CDK14: variants seen among roughly 807,000 people sequenced by gnomAD.
CDK14 encodes the protein cyclin-dependent kinase 14.
Under a neutral mutation model 60.7 loss-of-function variants are expected in CDK14, and 34 were observed. That is an observed-to-expected ratio of 0.56 (90% CI 0.43 to 0.75). The LOEUF is 0.75. CDK14 is among the 30% of genes least tolerant of loss of function. The pLI is 0.00. For missense variants in CDK14, 482 were observed against 564.1 expected, an observed-to-expected ratio of 0.85 and a Z score of 1.47; for synonymous variants, 197 against 203.7, an observed-to-expected ratio of 0.97 and a Z score of 0.28.
chr7:90,883,136 CAA>C (rs1004846886), intron 6 of CDK14, among the ~76,000 whole-genome samples: 11 of 150,940 alleles, frequency 7.3e-5, no homozygotes, highest in African/African-American at 2.7e-4. Flanking sequence ...AAAAAAACTC[CAA>C]AAAATAAATG....
chr7:90,824,180 A>G (rs1322429041), intron 5 of CDK14, among the ~76,000 whole-genome samples: 1 of 152,176 alleles, frequency 6.6e-6, no homozygotes, highest in Non-Finnish European at 1.5e-5. Flanking sequence ...TTGATTCTAC[A>G]TGGTCTTCGA....
intron 6 of CDK14, among the ~76,000 whole-genome samples, chr7:90,880,519 G>A (rs894891670): frequency 1.3e-5 from 2 of 152,136 alleles, no homozygotes; most frequent in African/African-American, 4.8e-5. Context: ...TAGTTCTGAG[G>A]AATCCAGGCA....
At chr7:90,876,711 A>G (rs778260111) in intron 6 of CDK14, among the ~76,000 whole-genome samples, 3 of 152,208 alleles carry the variant, frequency 2.0e-5, no homozygotes, top group African/African-American at 7.2e-5. Context: ...GTAGATCCAT[A>G]TGTTCTATTT....
intron 4 of CDK14, among the ~76,000 whole-genome samples, chr7:90,762,595 C>A (rs1804363961): frequency 6.6e-6 from 1 of 151,932 alleles, no homozygotes; most frequent in South Asian, 2.1e-4. Flanking sequence ...AAAACAAGAC[C>A]CAACTATATT....
chr7:91,010,581 T>A (rs1251496135), intron 10 of CDK14, among the ~76,000 whole-genome samples: 1 of 152,110 alleles, frequency 6.6e-6, no homozygotes, highest in Non-Finnish European at 1.5e-5. Context: ...TTGGTTTTTT[T>A]ATATTCATAT....
intron 9 of CDK14, among the ~76,000 whole-genome samples, chr7:90,958,646 A>G (rs1238473298): frequency 6.6e-6 from 1 of 152,170 alleles, no homozygotes; most frequent in Non-Finnish European, 1.5e-5. Context: ...TGAATGCATC[A>G]GGATATTAGT....
In CDK14 at chr7:91,156,212, A is replaced by T. The variant is rs1260604338; in HGVS notation, c.*28+38004A>T. 3.3e-5 allele frequency among the ~76,000 whole-genome samples: 5 copies of T among 152,256 alleles called. No individual in the cohort carries two copies. The East Asian group carries it at 9.6e-4, about 29-fold the overall frequency. ...AGTACAATTTGTTGTTTGTTTTTTA[A>T]TTTAATTTGAAATATAATTTCCCTA... On this transcript the variant is annotated intron_variant, in intron 14 of 14. Transcript: ENST00000380050.
chr7:91,144,197 C>T (rs1800552027), intron 14 of CDK14, among the ~76,000 whole-genome samples: 1 of 152,144 alleles, frequency 6.6e-6, no homozygotes, highest in Non-Finnish European at 1.5e-5. Context: ...TACAATTTCA[C>T]TGTTACTGAG....
chr7:91,179,380 G>A (rs554385337), intron 14 of CDK14, among the ~76,000 whole-genome samples: 2 of 149,176 alleles, frequency 1.3e-5, no homozygotes, highest in East Asian at 4.0e-4. Context: ...AGGAGGGATA[G>A]CATCGGGAGA....
chr7:91,020,767 A>G (rs1796412809), intron 10 of CDK14, among the ~76,000 whole-genome samples: 1 of 152,140 alleles, frequency 6.6e-6, no homozygotes, highest in Non-Finnish European at 1.5e-5. Context: ...AAAGCAACAT[A>G]CCTTTATTTT....
chr7:90,643,203 G>A (rs1800381419), intron 2 of CDK14, among the ~76,000 whole-genome samples: 1 of 152,198 alleles, frequency 6.6e-6, no homozygotes, highest in Non-Finnish European at 1.5e-5. Context: ...TACACACACA[G>A]CCTCCAAACA....
chr7:90,960,851 A>G (rs2117588587), intron 9 of CDK14, among the ~76,000 whole-genome samples: 1 of 152,252 alleles, frequency 6.6e-6, no homozygotes, highest in South Asian at 2.1e-4. Flanking sequence ...TTGAAAATAA[A>G]TTTGTTCTAT....
intron 5 of CDK14, among the ~76,000 whole-genome samples, chr7:90,818,800 A>G (rs190401605): frequency 6.6e-6 from 1 of 152,086 alleles, no homozygotes; most frequent in Non-Finnish European, 1.5e-5. Context: ...CATTAATCTG[A>G]TATGTTTTCA....
At chr7:91,168,642 A>G (rs1801423471) in intron 14 of CDK14, among the ~76,000 whole-genome samples, 1 of 152,262 alleles carries the variant, frequency 6.6e-6, no homozygotes, top group South Asian at 2.1e-4. Flanking sequence ...TTTTACATGT[A>G]GACCAAATAT....
chr7:90,927,037 C>T (rs1316685210), intron 8 of CDK14, among the ~76,000 whole-genome samples: 1 of 152,200 alleles, frequency 6.6e-6, no homozygotes, highest in East Asian at 1.9e-4. Flanking sequence ...AGGCATTCTC[C>T]AGGGGCACCA....
intron 6 of CDK14, among the ~76,000 whole-genome samples, chr7:90,877,345 C>T (rs544223927): frequency 6.6e-6 from 1 of 152,306 alleles, no homozygotes; most frequent in South Asian, 2.1e-4. Context: ...ACTCCTTTCT[C>T]ACTGGTATAT....
intron 5 of CDK14, among the ~76,000 whole-genome samples, chr7:90,808,343 G>A (rs998048477): frequency 4.3e-4 from 66 of 152,176 alleles, no homozygotes; most frequent in African/African-American, 1.6e-3. Flanking sequence ...TTTCAACCCA[G>A]AGTTTCATAT....
chr7:91,031,661 T>C (rs1195399380), intron 10 of CDK14, among the ~76,000 whole-genome samples: 1 of 152,182 alleles, frequency 6.6e-6, no homozygotes, highest in Non-Finnish European at 1.5e-5. Flanking sequence ...TGGGTCCTTA[T>C]TAAGTTAATT....
At chr7:91,093,045 C>T (rs1422952871) in intron 12 of CDK14, among the ~76,000 whole-genome samples, 1 of 152,170 alleles carries the variant, frequency 6.6e-6, no homozygotes, top group Non-Finnish European at 1.5e-5. Flanking sequence ...TTTATGCATA[C>T]TAACTTTAGC....
Sources: allele counts gnomAD v4.1 joint callset (sites outside exome capture counted in the v4.1 genomes callset), GRCh38; gene constraint gnomAD v4.1.1; transcripts MANE v1.5; gene names NCBI Gene and HGNC (gene_info 2026-07-23, HGNC 2026-07-21).